Variants in DIS3L2 observed in about 807,000 individuals in gnomAD.
DIS3L2 encodes DIS3 like 3'-5' exoribonuclease 2.
DIS3L2 carries 34 observed loss-of-function variants against 97.5 expected under a neutral mutation model. The observed-to-expected ratio is 0.35, with a 90% CI of 0.27 to 0.46. The LOEUF (loss-of-function observed/expected upper bound fraction) is 0.46, where lower values mean the gene tolerates loss of function less well. DIS3L2 is among the 20% of genes least tolerant of loss of function. DIS3L2 has a pLI of 1.00. For missense variants in DIS3L2, 1,038 were observed against 1,146.0 expected, an observed-to-expected ratio of 0.91 and a Z score of 1.36; for synonymous variants, 435 against 445.2, an observed-to-expected ratio of 0.98 and a Z score of 0.29.
chr2:232,143,623 G>A (rs905078578), intron 8 of DIS3L2, among the ~76,000 whole-genome samples: 1 of 151,818 alleles, frequency 6.6e-6, no homozygotes, highest in African/African-American at 2.4e-5. Context: ...CACTATTAAG[G>A]TTTTGGTATA....
In DIS3L2 at chr2:232,146,574, A is replaced by G. The variant is rs564508988; in HGVS notation, c.950+9855A>G. Among the ~76,000 whole-genome samples, 3 of 152,310 alleles carry G rather than the reference A, an allele frequency of 2.0e-5. No individual in the cohort carries two copies. The South Asian group carries it at 6.2e-4, about 32-fold the overall frequency. ...TATGGTTGTGAAGATGGCTGCCAGT[A>G]TGATTAGGCTACCTGCTTTCTTGAT... On this transcript the variant is annotated intron_variant, in intron 8 of 20. Coordinates refer to ENST00000325385, the MANE Select transcript of DIS3L2 (RefSeq NM_152383.5).
chr2:232,343,787 T>TG, exon 14 of DIS3L2: 1 of 550,734 alleles, frequency 1.8e-6, no homozygotes, highest in Non-Finnish European at 3.3e-6. Flanking sequence ...TTGCAGCAGA[T>TG]GCCAGGAAAG....
chr2:232,106,446 A>G (rs1162348253), intron 6 of DIS3L2, among the ~76,000 whole-genome samples: 1 of 152,246 alleles, frequency 6.6e-6, no homozygotes, highest in African/African-American at 2.4e-5. Flanking sequence ...TTAAACCACC[A>G]AAGATCAAAA....
chr2:232,105,806 C>T (rs778932942), intron 6 of DIS3L2, among the ~76,000 whole-genome samples: 19 of 152,158 alleles, frequency 1.2e-4, no homozygotes, highest in Admixed American at 1.2e-3. Flanking sequence ...ACATGTCAGT[C>T]GCTATGTGTG....
chr2:232,083,006 T>TATA (rs1696449197), intron 5 of DIS3L2, among the ~76,000 whole-genome samples: 1 of 152,116 alleles, frequency 6.6e-6, no homozygotes, highest in South Asian at 2.1e-4. Context: ...AACTCCCCTT[T>TATA]ATAAAACCAT....
At position 232,329,909 on chromosome 2, in the gene DIS3L2, G is replaced by T. The variant is rs202227137; in HGVS notation, c.1836G>T (p.Pro612=). The part of the protein sequence containing the change: ...PEQALLRRHP[P]PQTRMLSDLV... ...AGGCCCTGCTGCGCCGGCACCCCCC[G>T]CCCCAAACAAGGATGCTCAGTGACC... is the stretch of plus-strand genomic sequence containing the variant. The change falls in exon 15 of 21, where the codon CCG becomes CCT. Residue 612 remains proline (P), a synonymous_variant. Coordinates refer to ENST00000325385, the MANE Select transcript of DIS3L2 (RefSeq NM_152383.5). 5.6e-6 allele frequency: 9 copies of T among 1,607,572 alleles called. No individual in the cohort carries two copies. Among genetic ancestry groups the T allele is most frequent in the East Asian group, 2.3e-5 (1 of 44,428 alleles).
chr2:232,271,733 G>C (rs987864804), intron 13 of DIS3L2, among the ~76,000 whole-genome samples: 1 of 152,210 alleles, frequency 6.6e-6, no homozygotes, highest in Non-Finnish European at 1.5e-5. Context: ...CCGTGGAAGA[G>C]AGTGGGAGGA....
chr2:232,157,586 G>A (rs1690528140), intron 8 of DIS3L2, among the ~76,000 whole-genome samples: 1 of 152,196 alleles, frequency 6.6e-6, no homozygotes, highest in Non-Finnish European at 1.5e-5. Flanking sequence ...AATATAGGTA[G>A]AAGAAATGCA....
At chr2:232,207,376 A>C (rs561951646) in intron 9 of DIS3L2, among the ~76,000 whole-genome samples, 1 of 152,110 alleles carries the variant, frequency 6.6e-6, no homozygotes, top group South Asian at 2.1e-4. Context: ...GGCACTTCCT[A>C]TTACCATCAA....
At chr2:232,275,510 G>A (rs941547851) in intron 13 of DIS3L2, among the ~76,000 whole-genome samples, 2 of 152,098 alleles carry the variant, frequency 1.3e-5, no homozygotes, top group African/African-American at 4.8e-5. Context: ...GTGAAAATGT[G>A]GTACTGCTCT....
In DIS3L2 at chr2:232,277,347, T is replaced by C. The variant is rs571341852; in HGVS notation, c.1659+13907T>C. On this transcript the variant is annotated intron_variant, in intron 13 of 20. Transcript: ENST00000325385. ...CCAGAGTGCATCACACCCGCTAACG[T>C]TGGTGCAGCTGGAATGTTTCCAGTT... Among the ~76,000 whole-genome samples, 10 of 152,332 alleles carry C rather than the reference T, an allele frequency of 6.6e-5. No individual in the cohort carries two copies. In the East Asian group the frequency reaches 9.6e-4, roughly 15 times the overall value.
intron 6 of DIS3L2, among the ~76,000 whole-genome samples, chr2:232,128,451 A>ATTTTTTTTTTTTTTTTT (rs10682281): frequency 1.4e-5 from 1 of 71,694 alleles, no homozygotes; most frequent in African/African-American, 5.9e-5. Context: ...AACTTTGCTA[A>ATTTTTTTTTTTTTTTTT]TTTTTTTTTT....
intron 12 of DIS3L2, among the ~76,000 whole-genome samples, chr2:232,251,478 A>G (rs1480971738): frequency 6.6e-6 from 1 of 152,248 alleles, no homozygotes; most frequent in African/African-American, 2.4e-5. Context: ...AGTCCAAGAT[A>G]TACAATATCT....
At chr2:232,052,811 A>T (rs561425965) in intron 5 of DIS3L2, among the ~76,000 whole-genome samples, 49 of 152,106 alleles carry the variant, frequency 3.2e-4, no homozygotes, top group Non-Finnish European at 6.0e-4. Flanking sequence ...AAATCTTTAG[A>T]TGTTTTTCAC....
At chr2:232,104,913 G>A (rs1442747189) in intron 6 of DIS3L2, among the ~76,000 whole-genome samples, 1 of 152,096 alleles carries the variant, frequency 6.6e-6, no homozygotes, top group African/African-American at 2.4e-5. Flanking sequence ...TGCCTCCTGG[G>A]CTCAAGCCAT....
intron 5 of DIS3L2, among the ~76,000 whole-genome samples, chr2:232,080,534 A>G (rs1183812095): frequency 6.6e-6 from 1 of 152,124 alleles, no homozygotes; most frequent in Non-Finnish European, 1.5e-5. Flanking sequence ...AATTAATGAT[A>G]TTCATTGTCT....
At chr2:232,134,440 C>A (rs187232300) in intron 7 of DIS3L2, among the ~76,000 whole-genome samples, 45 of 152,234 alleles carry the variant, frequency 3.0e-4, no homozygotes, top group Non-Finnish European at 1.2e-4. Context: ...TGAAATGTTG[C>A]AGGACTGAGG....
intron 5 of DIS3L2, among the ~76,000 whole-genome samples, chr2:232,086,292 T>C (rs1014089153): frequency 1.3e-5 from 2 of 149,882 alleles, no homozygotes; most frequent in African/African-American, 4.9e-5. Flanking sequence ...CGTATATATG[T>C]ATACATATAT....
chr2:232,333,185 TC>T (rs1695808261), intron 16 of DIS3L2, among the ~76,000 whole-genome samples: 4 of 7,548 alleles, frequency 5.3e-4, no homozygotes, highest in Non-Finnish European at 1.0e-3. Context: ...CGCCTCCTCC[TC>T]CTCCTCCTCC....
Sources: gnomAD v4.1 joint callset for allele counts (sites outside exome capture counted in the v4.1 genomes callset) on GRCh38, gnomAD v4.1.1 for gene constraint, MANE v1.5 for transcripts, NCBI Gene and HGNC (gene_info 2026-07-23, HGNC 2026-07-21) for gene names.